Variants in DIMT1 observed in about 807,000 individuals in gnomAD.
DIMT1 encodes dimethyladenosine transferase.
Under a neutral mutation model 43.2 loss-of-function variants are expected in DIMT1, and 36 were observed. That is an observed-to-expected ratio of 0.83 (90% CI 0.64 to 1.10). The LOEUF is 1.10. DIMT1 is among the 50% of genes least tolerant of loss of function. The pLI, the probability that DIMT1 is intolerant of heterozygous loss-of-function variation, is 0.00. For missense variants in DIMT1, 341 were observed against 385.3 expected, an observed-to-expected ratio of 0.88 and a Z score of 0.96; for synonymous variants, 126 against 130.3, an observed-to-expected ratio of 0.97 and a Z score of 0.22.
intron 1 of DIMT1, 47 bp from the exon 2 acceptor site, chr5:62,403,393 T>G (rs1333493447): frequency 6.4e-7 from 1 of 1,566,424 alleles, no homozygotes; most frequent in Admixed American, 1.7e-5. Flanking sequence ...TGAGATTAGA[T>G]ATTAGGCAGT....
intron 6 of DIMT1, among the ~76,000 whole-genome samples, chr5:62,397,739 C>G (rs1253851944): frequency 6.6e-6 from 1 of 152,072 alleles, no homozygotes; most frequent in East Asian, 1.9e-4. Context: ...AGCTCCGCCT[C>G]CCGGGTTCAC....
intron 2 of DIMT1, among the ~76,000 whole-genome samples, chr5:62,402,420 C>T (rs1363736221): frequency 6.6e-6 from 1 of 152,218 alleles, no homozygotes; most frequent in Non-Finnish European, 1.5e-5. Context: ...TTCCAATAGC[C>T]TCTTGTTACC....
At chr5:62,402,235 T>G in intron 2 of DIMT1, 113 bp from the exon 3 acceptor site, 2 of 1,012,026 alleles carry the variant, frequency 2.0e-6, no homozygotes, top group Non-Finnish European at 2.9e-6. Context: ...TTAATCTGAC[T>G]CCATTTTTAG....
Position 62,388,981 on chromosome 5 carries a change from G to T in DIMT1, c.*29C>A. ...AAATACAAAATTCATTTCTTTTCTT[G>T]ACCTTGAAAATTTCTGTTTTCCAAA... On this transcript the variant is annotated 3_prime_UTR_variant, in exon 12 of 12. Transcript: ENST00000199320. 2 of 1,591,286 alleles carry T rather than the reference G, an allele frequency of 1.3e-6. No homozygotes were observed. Among genetic ancestry groups the T allele is most frequent in the South Asian group, 1.1e-5 (1 of 89,422 alleles).
At position 62,394,477 on chromosome 5, in the gene DIMT1, C is replaced by A. The variant is rs771536766; in HGVS notation, c.570+7G>T. On this transcript the variant is annotated splice_region_variant and intron_variant, in intron 7 of 11. Transcript: ENST00000199320. ...GAAAAAAGAGAAAGAAAACAAAATT[C>A]ACTTACTTTCATTAGATGGTCCACA... 2 of 1,613,786 alleles carry A rather than the reference C, an allele frequency of 1.2e-6. No homozygotes were observed. Among genetic ancestry groups the A allele is most frequent in the East Asian group, 2.2e-5 (1 of 44,874 alleles).
At chr5:62,401,541 G>A (rs1472916163) in intron 3 of DIMT1, among the ~76,000 whole-genome samples, 2 of 139,694 alleles carry the variant, frequency 1.4e-5, no homozygotes, top group East Asian at 2.1e-4. Flanking sequence ...AATACCTAAT[G>A]TGGTTTCTGT....
chr5:62,398,215 G>C (rs1742567735), intron 6 of DIMT1, among the ~76,000 whole-genome samples: 3 of 152,102 alleles, frequency 2.0e-5, no homozygotes, highest in Non-Finnish European at 4.4e-5. Flanking sequence ...CTAGAGACCA[G>C]TTAGGAAACC....
intron 3 of DIMT1, among the ~76,000 whole-genome samples, chr5:62,400,502 C>G (rs888965886): frequency 6.6e-6 from 1 of 152,080 alleles, no homozygotes; most frequent in African/African-American, 2.4e-5. Flanking sequence ...ATCCTCCCAC[C>G]TTGGCCTCCC....
At position 62,388,027 on chromosome 5, in the gene DIMT1, C is replaced by T. The variant is rs1742120786; in HGVS notation, c.*983G>A. ...TAACTCTATTATAGTATATTAACAGCACTTAGTATTATATTGACTTAAACA... is the reference window on the plus strand; with the variant it reads ...TAACTCTATTATAGTATATTAACAGTACTTAGTATTATATTGACTTAAACA... On this transcript the variant is annotated 3_prime_UTR_variant, in exon 12 of 12. Coordinates refer to ENST00000199320, the MANE Select transcript of DIMT1 (RefSeq NM_014473.4). 6.6e-6 allele frequency: 1 copy of T among 151,934 alleles called. No homozygotes were observed. Among genetic ancestry groups the T allele is most frequent in the African/African-American group, 2.4e-5 (1 of 41,368 alleles). The allele number at this position is 151,934 out of a possible 1,614,324, so 9.4% of individuals were successfully genotyped here.
Position 62,390,888 on chromosome 5 carries a change from T to A in DIMT1, c.887A>T (p.Asp296Val), listed in dbSNP as rs1300676133. ...SDKRARSMDIDDFIRLLHGFN... is the reference protein window; with the variant it reads ...SDKRARSMDIVDFIRLLHGFN... ...AAAATGTAATTACCTGATGAAGTCATCTATGTCCATGGAACGGGCCCGTTT... is the reference window on the plus strand; with the variant it reads ...AAAATGTAATTACCTGATGAAGTCAACTATGTCCATGGAACGGGCCCGTTT... The change falls in exon 11 of 12, where the codon GAT (aspartate) becomes GTT (valine). Residue 296 changes from aspartate to valine, a missense_variant. Transcript: ENST00000199320. 3 of 1,611,852 alleles carry A rather than the reference T, an allele frequency of 1.9e-6. No individual in the cohort carries two copies. The highest frequency in any genetic ancestry group is 2.5e-6 in the Non-Finnish European group (3 of 1,179,682).
chr5:62,392,064 A>C lies in DIMT1; in HGVS notation c.792+107T>G, dbSNP rs1742322172. The C allele has an allele frequency of 5.0e-6, 8 of 1,595,928 alleles. No individual in the cohort carries two copies. In the Admixed American group the frequency reaches 1.4e-4, roughly 28 times the overall value. ...ATACATTATATATTGTCTTTTAAGG[A>C]TCTTATGGAATGTACAAAATAATCT... On this transcript the variant is annotated intron_variant, in intron 10 of 11. Coordinates refer to ENST00000199320, the MANE Select transcript of DIMT1 (RefSeq NM_014473.4).
At chr5:62,397,387 T>C (rs1369450644) in intron 6 of DIMT1, among the ~76,000 whole-genome samples, 1 of 152,240 alleles carries the variant, frequency 6.6e-6, no homozygotes. Flanking sequence ...TTGGCATCTA[T>C]CAAGTACAAA....
At chr5:62,391,324 T>C in intron 10 of DIMT1, 1 of 192,944 alleles carries the variant, frequency 5.2e-6, no homozygotes, top group Non-Finnish European at 1.1e-5. Context: ...ATGCATTTTC[T>C]TCCTACAGAT....
chr5:62,393,121 A>G, intron 8 of DIMT1, 131 bp from the exon 9 acceptor site: 1 of 538,294 alleles, frequency 1.9e-6, no homozygotes, highest in Admixed American at 3.7e-5. Flanking sequence ...ATGTTCTGTA[A>G]TCTTGATCTG....
chr5:62,401,957 A>G (rs1742723956), intron 3 of DIMT1, 79 bp downstream of exon 3: 1 of 1,367,816 alleles, frequency 7.3e-7, no homozygotes, highest in Admixed American at 2.0e-5. Context: ...GCAATTAGTT[A>G]AAACATATTT....
At chr5:62,401,368 GC>G (rs1742696178) in intron 3 of DIMT1, among the ~76,000 whole-genome samples, 1 of 150,988 alleles carries the variant, frequency 6.6e-6, no homozygotes, top group African/African-American at 2.4e-5. Flanking sequence ...GGGGGCAGGT[GC>G]CTATAATCTC....
At chr5:62,402,157 C>A in intron 2 of DIMT1, 35 bp from the exon 3 acceptor site, 1 of 1,603,096 alleles carries the variant, frequency 6.2e-7, no homozygotes, top group Non-Finnish European at 8.5e-7. Context: ...GCTCTTCTGG[C>A]AACATCAGAA....
chr5:62,400,474 A>T (rs890920615), intron 3 of DIMT1, among the ~76,000 whole-genome samples: 3 of 151,906 alleles, frequency 2.0e-5, no homozygotes, highest in African/African-American at 7.3e-5. Flanking sequence ...CTGGTCTCAA[A>T]ACTCCTGGGC....
intron 3 of DIMT1, among the ~76,000 whole-genome samples, chr5:62,399,725 T>C (rs1742631263): frequency 6.7e-6 from 1 of 149,248 alleles, no homozygotes; most frequent in Non-Finnish European, 1.5e-5. Context: ...GCCAACATGG[T>C]AAAACTCTGT....
Sources: allele counts gnomAD v4.1 joint callset (sites outside exome capture counted in the v4.1 genomes callset), GRCh38; gene constraint gnomAD v4.1.1; transcripts MANE v1.5; gene names NCBI Gene and HGNC (gene_info 2026-07-23, HGNC 2026-07-21).